NCKAP5: variants seen among roughly 807,000 people sequenced by gnomAD.
NCKAP5 encodes the protein NCK associated protein 5.
In NCKAP5, 92 loss-of-function variants were observed where a neutral mutation model predicts 167.0. The ratio of observed to expected loss-of-function variants is 0.55; its 90% CI spans 0.47 to 0.66. The LOEUF is 0.66. NCKAP5 is among the 30% of genes least tolerant of loss of function. The pLI, the probability that NCKAP5 is intolerant of heterozygous loss-of-function variation, is 0.00. For missense variants in NCKAP5, 2,378 were observed against 2,315.0 expected (o/e 1.03, Z -0.56); for synonymous variants, 891 against 877.4 (o/e 1.02, Z -0.27).
chr2:133,320,711 C>T (rs1681984110), intron 3 of NCKAP5, among the ~76,000 whole-genome samples: 1 of 151,990 alleles, frequency 6.6e-6, no homozygotes, highest in East Asian at 1.9e-4. Context: ...GAGACTCTGT[C>T]TCAAATAAAC....
rs142005517 is a variant in NCKAP5, at chr2:133,215,265, A to C, written c.144-1486T>G. Among the ~76,000 whole-genome samples the C allele has an allele frequency of 7.4e-4, 113 of 152,350 alleles. 1 individual carries two copies. Among genetic ancestry groups the C allele is most frequent in the African/African-American group, 2.6e-3 (108 of 41,584 alleles). On this transcript the variant is annotated intron_variant, in intron 4 of 19. Transcript: ENST00000409261. The stretch of plus-strand genomic sequence containing the variant: ...TGAACAGATCAAATAAGTTCAATGA[A>C]AAGAACAAATTAAGGGAACAAATAA...
chr2:133,543,865 G>A (rs1432802524), intron 2 of NCKAP5, among the ~76,000 whole-genome samples: 1 of 152,230 alleles, frequency 6.6e-6, no homozygotes, highest in Non-Finnish European at 1.5e-5. Flanking sequence ...GGACTCACAA[G>A]CAAGTGGTAG....
intron 3 of NCKAP5, among the ~76,000 whole-genome samples, chr2:133,370,696 T>C (rs368808762): frequency 6.7e-6 from 1 of 149,928 alleles, no homozygotes; most frequent in South Asian, 2.1e-4. Context: ...AAAGTTTGGC[T>C]AACGTATTTT....
chr2:132,759,749 A>G (rs1401340415), intron 16 of NCKAP5, among the ~76,000 whole-genome samples: 2 of 152,066 alleles, frequency 1.3e-5, no homozygotes, highest in South Asian at 2.1e-4. Flanking sequence ...CTAAACAGCT[A>G]TATAGCTGCT....
At position 133,317,077 on chromosome 2, in the gene NCKAP5, C is replaced by T. The variant is rs115370199; in HGVS notation, c.70-13967G>A. On this transcript the variant is annotated intron_variant, in intron 3 of 19. Transcript: ENST00000409261. ...TGGCCTCAGGAAATAAAGGATGGAGCGCCTGAAGAGACCTTCTCAGACCTA... is the reference window on the plus strand; with the variant it reads ...TGGCCTCAGGAAATAAAGGATGGAGTGCCTGAAGAGACCTTCTCAGACCTA... Among the ~76,000 whole-genome samples the T allele has an allele frequency of 7.6e-3, 1,150 of 152,226 alleles. 25 individuals are homozygous for T. The highest frequency in any genetic ancestry group is 0.074 in the South Asian group (354 of 4,812).
At chr2:132,742,261 C>A (rs571512013) in intron 16 of NCKAP5, among the ~76,000 whole-genome samples, 5 of 152,084 alleles carry the variant, frequency 3.3e-5, no homozygotes, top group Admixed American at 2.0e-4. Flanking sequence ...ACAACTGCCT[C>A]TATTCTTAAT....
chr2:133,203,212 A>T (rs2085782811), intron 5 of NCKAP5, among the ~76,000 whole-genome samples: 1 of 152,156 alleles, frequency 6.6e-6, no homozygotes, highest in Non-Finnish European at 1.5e-5. Context: ...ATGCAGCCAT[A>T]AAAAAGGATG....
upstream of NCKAP5, among the ~76,000 whole-genome samples, chr2:133,570,979 C>A (rs1688844560): frequency 6.6e-6 from 1 of 151,978 alleles, no homozygotes; most frequent in African/African-American, 2.4e-5. Flanking sequence ...AAGGCATAAG[C>A]CATACATTAG....
At chr2:133,040,491 C>A (rs983603734) in intron 6 of NCKAP5, among the ~76,000 whole-genome samples, 4 of 152,086 alleles carry the variant, frequency 2.6e-5, no homozygotes, top group Non-Finnish European at 4.4e-5. Context: ...CTGCTATAAA[C>A]AAGGTTGGTA....
the NCKAP5 span, among the ~76,000 whole-genome samples, chr2:133,665,016 G>A: frequency 1.3e-5 from 2 of 152,172 alleles, no homozygotes; most frequent in Non-Finnish European, 2.9e-5. Context: ...TAGAGTTGAG[G>A]AGAATTAAAG....
chr2:132,744,930 T>C (rs1180738590), intron 16 of NCKAP5, among the ~76,000 whole-genome samples: 1 of 151,808 alleles, frequency 6.6e-6, no homozygotes, highest in East Asian at 1.9e-4. Flanking sequence ...ATAAACCAAA[T>C]AGTCCTATAT....
At chr2:132,702,482 A>T (rs55723692) in intron 19 of NCKAP5, among the ~76,000 whole-genome samples, 393 of 152,302 alleles carry the variant, frequency 2.6e-3, no homozygotes, top group Non-Finnish European at 4.5e-3. Context: ...CCAGAGATAC[A>T]GTTGTCTCTG....
At chr2:133,148,798 T>G (rs949100567) in intron 5 of NCKAP5, among the ~76,000 whole-genome samples, 1 of 152,102 alleles carries the variant, frequency 6.6e-6, no homozygotes, top group African/African-American at 2.4e-5. Context: ...AGCTCCACCC[T>G]CATGACCTAA....
chr2:132,796,676 C>T lies in NCKAP5; in HGVS notation c.861G>A (p.Val287=), dbSNP rs769788338. ...DLSSGDLLSE[V]ERNRSLTQSR... ...ACTGTGTCAGACTTCGGTTTCTTTC[C>T]ACCTCTGAAAGCAAATCTCCAGATG... The change falls in exon 12 of 20, where the codon GTG becomes GTA. Residue 287 remains valine, a synonymous_variant. Coordinates refer to ENST00000409261, the MANE Select transcript of NCKAP5 (RefSeq NM_207363.3). The T allele has an allele frequency of 2.6e-5, 42 of 1,613,272 alleles. No individual in the cohort carries two copies. Among genetic ancestry groups the T allele is most frequent in the Middle Eastern group, 1.6e-4 (1 of 6,084 alleles).
intron 3 of NCKAP5, among the ~76,000 whole-genome samples, chr2:133,438,429 G>T (rs182989523): frequency 3.6e-4 from 55 of 152,254 alleles, no homozygotes; most frequent in Non-Finnish European, 5.4e-4. Flanking sequence ...GTAACACATC[G>T]TATCATCAGA....
chr2:133,226,604 AAC>A (rs3051222), intron 4 of NCKAP5, among the ~76,000 whole-genome samples: 10,414 of 139,124 alleles, frequency 0.075, 436 homozygotes, highest in South Asian at 0.094. Context: ...TTTGAAGATA[AAC>A]ACACACACAC....
intron 6 of NCKAP5, among the ~76,000 whole-genome samples, chr2:133,002,901 T>A (rs745754630): frequency 1.1e-4 from 17 of 152,226 alleles, no homozygotes; most frequent in Non-Finnish European, 1.9e-4. Context: ...GACCTATGTA[T>A]GCATGCGACT....
At chr2:132,939,872 TGCCTGTAACTCTA>T (rs935570390) in intron 8 of NCKAP5, among the ~76,000 whole-genome samples, 11 of 152,024 alleles carry the variant, frequency 7.2e-5, no homozygotes, top group African/African-American at 2.7e-4. Flanking sequence ...TGGTGGTGGG[TGCCTGTAACTCTA>T]GCTACTCAGG....
intron 5 of NCKAP5, among the ~76,000 whole-genome samples, chr2:133,132,481 G>GCACA (rs373384379): frequency 0.25 from 32,338 of 129,732 alleles, 4,065 homozygotes; most frequent in Non-Finnish European, 0.31. Context: ...GAAAAAAAAA[G>GCACA]CACACACACA....
Sources: allele counts gnomAD v4.1 joint callset (sites outside exome capture counted in the v4.1 genomes callset), GRCh38; gene constraint gnomAD v4.1.1; transcripts MANE v1.5; gene names NCBI Gene and HGNC (gene_info 2026-07-23, HGNC 2026-07-21).